ZNF283: variants seen among roughly 807,000 people sequenced by gnomAD.
ZNF283 encodes the protein zinc finger protein 283, also known as zinc finger protein 41.
In ZNF283, 10 loss-of-function variants were observed where a neutral mutation model predicts 9.2. That is an observed-to-expected ratio of 1.09 (90% CI 0.67 to 1.85). ZNF283 has a LOEUF of 1.85. Ranked by LOEUF, ZNF283 falls within the 40% of genes most tolerant of loss-of-function variation. The probability of loss-of-function intolerance (pLI) is 0.00; values close to 1 mark genes in which losing one functional copy is unlikely to be tolerated. For missense variants in ZNF283, 631 were observed against 760.1 expected, an observed-to-expected ratio of 0.83 and a Z score of 2.00; for synonymous variants, 234 against 244.1, an observed-to-expected ratio of 0.96 and a Z score of 0.38.
chr19:43,831,249 T>C (rs570971370), intron 2 of ZNF283, 69 bp from the exon 3 acceptor site: 71 of 1,115,036 alleles, frequency 6.4e-5, no homozygotes, highest in East Asian at 3.2e-4. Context: ...AAATACTGTT[T>C]TGTTTATGCA....
chr19:43,841,123 A>T (rs993064972), intron 6 of ZNF283: 2 of 152,134 alleles, frequency 1.3e-5, no homozygotes, highest in Non-Finnish European at 2.9e-5. Context: ...CACTATTGAT[A>T]TGGTTAGATT....
Position 43,847,397 on chromosome 19 carries a change from A to G in ZNF283, c.796A>G (p.Lys266Glu). 6.2e-7 allele frequency: 1 copy of G among 1,614,042 alleles called. No individual in the cohort carries two copies. The highest frequency in any genetic ancestry group is 1.1e-5 in the South Asian group (1 of 91,082). ...TACTGGTGAGAAACCCTATGAGTGT[A>G]AGGAATGTGGGAAGACCTTTAGCTG... ...FHTGEKPYEC[K>E]ECGKTFSWGS... is the part of the protein sequence containing the mutation. The change falls in exon 7 of 7, where the codon AAG (lysine) becomes GAG (glutamate). Residue 266 changes from lysine (K) to glutamate (E), a missense_variant. Physicochemically the swap from Lys to Glu is moderately conservative, Grantham distance 56. Coordinates refer to ENST00000618787, the MANE Select transcript of ZNF283 (RefSeq NM_181845.2).
rs1284959901 is a variant in ZNF283 at position 43,849,836 on chromosome 19, T to C, written c.*1195T>C. 6.6e-6 allele frequency: 1 copy of C among 152,224 alleles called. No homozygotes were observed. The highest frequency in any genetic ancestry group is 1.9e-4 in the East Asian group (1 of 5,196). 9.4% of individuals were successfully genotyped at this position (152,224 alleles called of 1,614,324 possible). A position where few individuals can be genotyped will look rare whatever the true frequency, so the allele number is the denominator to read the frequency against. ...TATCCTTGGAAGAGTATCTGGTATG[T>C]AGCCTATGCTTAATACATATTAGCT... On this transcript the variant is annotated 3_prime_UTR_variant, in exon 7 of 7. Transcript: ENST00000618787.
At chr19:43,830,538 C>A (rs970208989) in intron 2 of ZNF283, among the ~76,000 whole-genome samples, 1 of 151,858 alleles carries the variant, frequency 6.6e-6, no homozygotes, top group Non-Finnish European at 1.5e-5. Context: ...TCAAAAGTGA[C>A]CATGACCCAA....
At chr19:43,839,255 T>C (rs114280685) in intron 6 of ZNF283, among the ~76,000 whole-genome samples, 1 of 152,242 alleles carries the variant, frequency 6.6e-6, no homozygotes, top group African/African-American at 2.4e-5. Context: ...CTTTTGGACT[T>C]TTCAATATAC....
At chr19:43,835,732 C>T (rs1038444010) in intron 5 of ZNF283, 140 bp downstream of exon 5, 10 of 632,396 alleles carry the variant, frequency 1.6e-5, no homozygotes, top group Non-Finnish European at 2.8e-5. Context: ...GTTGCTTGGT[C>T]TCAACCTCAG....
rs349041 is a variant in ZNF283 at position 43,845,051 on chromosome 19, C to G, written c.338-1888C>G. Among the ~76,000 whole-genome samples the G allele has an allele frequency of 8.3e-3, 1,260 of 152,220 alleles. 15 individuals are homozygous for G. Among genetic ancestry groups the G allele is most frequent in the African/African-American group, 0.029 (1,205 of 41,540 alleles). On this transcript the variant is annotated intron_variant, in intron 6 of 6. Coordinates refer to ENST00000618787, the MANE Select transcript of ZNF283 (RefSeq NM_181845.2). The stretch of plus-strand genomic sequence containing the variant: ...AAATTAATTTATAGAAAGTCATAAC[C>G]TGTGGGTACATGAATATGAATATAC...
chr19:43,845,583 G>T (rs1971371065), intron 6 of ZNF283, among the ~76,000 whole-genome samples: 1 of 151,994 alleles, frequency 6.6e-6, no homozygotes, highest in African/African-American at 2.4e-5. Context: ...GTAGTATAAG[G>T]TAGCTAAAAG....
At chr19:43,835,690 C>G (rs758869593) in intron 5 of ZNF283, 98 bp downstream of exon 5, 2 of 903,630 alleles carry the variant, frequency 2.2e-6, no homozygotes, top group Non-Finnish European at 1.7e-6. Flanking sequence ...TCTCCATAGA[C>G]CCAAGTTTTC....
intron 3 of ZNF283, 62 bp downstream of exon 3, chr19:43,831,443 T>C: frequency 7.5e-7 from 1 of 1,333,004 alleles, no homozygotes; most frequent in Non-Finnish European, 1.0e-6. Context: ...TTCAGTTTTC[T>C]TAATGACTGG....
At chr19:43,831,913 G>C (rs954123891) in intron 3 of ZNF283, among the ~76,000 whole-genome samples, 1 of 152,274 alleles carries the variant, frequency 6.6e-6, no homozygotes, top group Admixed American at 6.5e-5. Flanking sequence ...ACAGGCGTGA[G>C]CCACCACACC....
intron 2 of ZNF283, among the ~76,000 whole-genome samples, chr19:43,830,524 A>T (rs1022955330): frequency 6.6e-6 from 1 of 152,100 alleles, no homozygotes; most frequent in Non-Finnish European, 1.5e-5. Context: ...ATTTCATGAG[A>T]TTATCAAAAG....
intron 6 of ZNF283, among the ~76,000 whole-genome samples, chr19:43,840,388 C>T (rs1295108423): frequency 6.6e-6 from 1 of 152,148 alleles, no homozygotes. Flanking sequence ...TTTTGGAAGA[C>T]AAGGTCACGC....
rs548513669 is a variant in ZNF283, at chr19:43,847,157, C to T, written c.556C>T (p.Pro186Ser). 1 of 1,613,362 alleles carries T rather than the reference C, an allele frequency of 6.2e-7. No individual in the cohort carries two copies. Among genetic ancestry groups the T allele is most frequent in the Non-Finnish European group, 8.5e-7 (1 of 1,179,634 alleles). Residue 186 changes from proline (P) to serine (S), a missense_variant, in exon 7 of 7, where the codon CCT (proline) becomes TCT (serine). Transcript: ENST00000618787. The stretch of plus-strand genomic sequence containing the variant: ...AATGATAATCAGCTATGAAAAAATA[C>T]CTTCTTACAGAAAAAGTAAATCTCT... Reference protein sequence around the residue: ...SQMIISYEKIPSYRKSKSLTP... With the variant: ...SQMIISYEKISSYRKSKSLTP...
chr19:43,841,759 T>G (rs999231413), intron 6 of ZNF283, among the ~76,000 whole-genome samples: 2 of 152,178 alleles, frequency 1.3e-5, no homozygotes, highest in Non-Finnish European at 2.9e-5. Flanking sequence ...TTGAAGGATA[T>G]TTTTACCAGA....
intron 6 of ZNF283, 43 bp from the exon 7 acceptor site, chr19:43,846,896 T>A: frequency 1.5e-4 from 157 of 1,071,044 alleles, no homozygotes; most frequent in Non-Finnish European, 1.6e-4. Context: ...TTTTTTTCCC[T>A]AGTGAAGGAA....
At chr19:43,838,801 A>T (rs894834414) in intron 6 of ZNF283, among the ~76,000 whole-genome samples, 1 of 152,146 alleles carries the variant, frequency 6.6e-6, no homozygotes, top group African/African-American at 2.4e-5. Context: ...GCTTTTTGGC[A>T]CATCTCCGTC....
At position 43,837,185 on chromosome 19, in the gene ZNF283, G is replaced by A; in HGVS notation, c.337+6G>A. The A allele has an allele frequency of 5.7e-6, 9 of 1,586,066 alleles. No homozygotes were observed. The highest frequency in any genetic ancestry group is 7.7e-6 in the Non-Finnish European group (9 of 1,168,150). ...TAGTAACTTGGTGTCACTGGGTAAG[G>A]TCATCTGCCTGAAATAATTTAGAGT... On this transcript the variant is annotated splice_donor_region_variant and intron_variant, in intron 6 of 6. Coordinates refer to ENST00000618787, the MANE Select transcript of ZNF283 (RefSeq NM_181845.2).
chr19:43,841,332 G>T (rs1971201284), intron 6 of ZNF283: 1 of 151,348 alleles, frequency 6.6e-6, no homozygotes, highest in African/African-American at 2.4e-5. Flanking sequence ...ATACTACTTT[G>T]TTGTATAATG....
Sources: gnomAD v4.1 joint callset for allele counts (sites outside exome capture counted in the v4.1 genomes callset) on GRCh38, gnomAD v4.1.1 for gene constraint, MANE v1.5 for transcripts, NCBI Gene and HGNC (gene_info 2026-07-23, HGNC 2026-07-21) for gene names.